DNAH9: variants seen among roughly 807,000 people sequenced by gnomAD.
The protein encoded by DNAH9 is dynein axonemal heavy chain 9, also known as DNAH9 variant protein.
Under a neutral mutation model 471.6 loss-of-function variants are expected in DNAH9, and 345 were observed. The observed-to-expected ratio is 0.73, with a 90% CI of 0.67 to 0.80. The LOEUF (loss-of-function observed/expected upper bound fraction) is 0.80. DNAH9 is among the 30% of genes least tolerant of loss of function. The pLI is 0.00. For synonymous variants in DNAH9, 2,093 were observed against 2,123.6 expected (o/e 0.99, Z 0.40); for missense variants, 5,407 against 5,609.2 (o/e 0.96, Z 1.15).
At position 11,938,352 on chromosome 17, in the gene DNAH9, G is replaced by A. The variant is rs891373900; in HGVS notation, c.12660+830G>A. Among the ~76,000 whole-genome samples the A allele has an allele frequency of 7.9e-5, 12 of 151,686 alleles. 1 individual carries two copies. Among genetic ancestry groups the A allele is most frequent in the South Asian group, 2.1e-4 (1 of 4,800 alleles). On this transcript the variant is annotated intron_variant, in intron 66 of 68. Transcript: ENST00000262442. ...TGGGCGCCTGTAATCCCAGCTACTC[G>A]GGAGACTGAGGCAGGAGAATTGCTT...
In DNAH9 at chr17:11,605,503, G is replaced by C. The variant is rs201546186; in HGVS notation, c.418-2626G>C. On this transcript the variant is annotated intron_variant, in intron 1 of 68. Coordinates refer to ENST00000262442, the MANE Select transcript of DNAH9 (RefSeq NM_001372.4). ...TGTTGTTGTTGTTGTTGTTGTTGTT[G>C]TTGTTGTTGTTTCGAGACAGGGTCT... Among the ~76,000 whole-genome samples, 21 of 151,722 alleles carry C rather than the reference G, an allele frequency of 1.4e-4. No individual in the cohort carries two copies. The East Asian group carries it at 3.9e-3, about 28-fold the overall frequency.
intron 50 of DNAH9, among the ~76,000 whole-genome samples, chr17:11,857,660 G>T (rs1971673924): frequency 6.6e-6 from 1 of 152,190 alleles, no homozygotes; most frequent in Admixed American, 6.5e-5. Context: ...TTGGATATTT[G>T]TTCCTGCCCA....
At chr17:11,778,329 C>CAAAGAAAAAAAAAAAA (rs1567795708) in intron 38 of DNAH9, among the ~76,000 whole-genome samples, 1 of 48,638 alleles carries the variant, frequency 2.1e-5, no homozygotes, top group Non-Finnish European at 4.6e-5. Flanking sequence ...GACTCCATCT[C>CAAAGAAAAAAAAAAAA]AAAAAAAAAA....
rs763602808 is a variant in DNAH9 at position 11,636,722 on chromosome 17, A to G, written c.1724A>G (p.Asn575Ser). ...TACCTGGTCCTCATCCAAATGTTCAACAAAGATCTGGATGCAGTGAGGATG... is the reference window on the plus strand; with the variant it reads ...TACCTGGTCCTCATCCAAATGTTCAGCAAAGATCTGGATGCAGTGAGGATG... Reference protein sequence around the residue: ...DKYLVLIQMFNKDLDAVRMIY... With the variant: ...DKYLVLIQMFSKDLDAVRMIY... Residue 575 changes from asparagine (N) to serine (S), a missense_variant, in exon 9 of 69, where the codon AAC becomes AGC. Physicochemically the swap from Asn to Ser is conservative, Grantham distance 46 (BLOSUM62 1). Around this residue, in one of 3 missense-constraint regions of DNAH9, gnomAD observed 4,636 missense variants for 4,900.3 expected, o/e 0.95. Transcript: ENST00000262442. 6.2e-7 allele frequency: 1 copy of G among 1,613,746 alleles called. No homozygotes were observed. The highest frequency in any genetic ancestry group is 1.7e-5 in the Admixed American group (1 of 60,034).
chr17:11,698,171 T>TTAATATAATTATATTAA (rs375435855), intron 22 of DNAH9, among the ~76,000 whole-genome samples: 2,666 of 8,350 alleles, frequency 0.32, 179 homozygotes, highest in South Asian at 0.42. Context: ...TATTATTATA[T>TTAATATAATTATATTAA]TAATATATTA....
At chr17:11,752,093 G>T (rs1967178141) in intron 32 of DNAH9, among the ~76,000 whole-genome samples, 1 of 152,092 alleles carries the variant, frequency 6.6e-6, no homozygotes, top group East Asian at 1.9e-4. Context: ...AGCCATATGT[G>T]AATAAATGAA....
At chr17:11,762,159 GAA>G (rs1459147614) in intron 35 of DNAH9, among the ~76,000 whole-genome samples, 2 of 152,214 alleles carry the variant, frequency 1.3e-5, no homozygotes, top group Admixed American at 1.3e-4. Context: ...TTTGTTGTAA[GAA>G]TTGCAATTAG....
intron 49 of DNAH9, among the ~76,000 whole-genome samples, chr17:11,847,442 C>G (rs1024007202): frequency 6.6e-6 from 1 of 152,090 alleles, no homozygotes; most frequent in Non-Finnish European, 1.5e-5. Context: ...AGCCAGTTAT[C>G]TCGGCACCAT....
rs745715542 is a variant in DNAH9 at position 11,669,635 on chromosome 17, A to G, written c.3194A>G (p.Tyr1065Cys). ...CAGTTTAAAGTGCAAATCGACTCCT[A>G]TGAAACGCTCTATGAAGAGGTGTGC... The part of the protein sequence containing the change: ...LSQFKVQIDS[Y>C]ETLYEEVCRL... The change falls in exon 17 of 69, where the codon TAT (tyrosine) becomes TGT (cysteine). Residue 1065 changes from tyrosine to cysteine, a missense_variant. Physicochemically the swap from Tyr to Cys is radical, Grantham distance 194. This residue lies in a region of DNAH9 where 4,636 missense variants were observed against 4,900.3 expected (regional missense o/e 0.95). Coordinates refer to ENST00000262442, the MANE Select transcript of DNAH9 (RefSeq NM_001372.4). 9.9e-6 allele frequency: 16 copies of G among 1,614,050 alleles called. No homozygotes were observed. The highest frequency in any genetic ancestry group is 6.7e-5 in the Admixed American group (4 of 60,000).
intron 49 of DNAH9, among the ~76,000 whole-genome samples, chr17:11,836,547 A>G (rs1318731489): frequency 6.6e-6 from 1 of 152,128 alleles, no homozygotes; most frequent in Non-Finnish European, 1.5e-5. Context: ...CGGCTGTACC[A>G]CTGTTTCTGA....
At chr17:11,947,313 C>T (rs1408244505) in intron 67 of DNAH9, among the ~76,000 whole-genome samples, 1 of 152,166 alleles carries the variant, frequency 6.6e-6, no homozygotes, top group African/African-American at 2.4e-5. Flanking sequence ...AACAACTAGG[C>T]ATCATTTTCA....
chr17:11,874,970 G>C lies in DNAH9; in HGVS notation c.10264G>C (p.Ala3422Pro). The change falls in exon 53 of 69, where the codon GCC becomes CCC. Residue 3422 changes from alanine (A) to proline (P), a missense_variant. This residue lies in a region of DNAH9 where 4,636 missense variants were observed against 4,900.3 expected (regional missense o/e 0.95). Transcript: ENST00000262442. ...CCAGACTCCCATTCCAGTCACCCCA[G>C]CCCTGGATCCCCTGAGGATGCTGAT... ...QLKTPIPVTP[A>P]LDPLRMLMDD... 6.2e-7 allele frequency: 1 copy of C among 1,614,016 alleles called. No homozygotes were observed. The highest frequency in any genetic ancestry group is 2.2e-5 in the East Asian group (1 of 44,858).
chr17:11,658,378 C>A (rs956014287), intron 14 of DNAH9, among the ~76,000 whole-genome samples: 2 of 152,118 alleles, frequency 1.3e-5, no homozygotes, highest in African/African-American at 4.8e-5. Flanking sequence ...ATTCCGTGAT[C>A]TTTCTAAATT....
At chr17:11,963,063 C>T (rs1976365063) in intron 68 of DNAH9, among the ~76,000 whole-genome samples, 1 of 152,100 alleles carries the variant, frequency 6.6e-6, no homozygotes, top group Non-Finnish European at 1.5e-5. Flanking sequence ...GAAATAAGGT[C>T]TTTGCAGATG....
chr17:11,764,330 A>G (rs1967842164), intron 36 of DNAH9, among the ~76,000 whole-genome samples: 1 of 152,224 alleles, frequency 6.6e-6, no homozygotes, highest in African/African-American at 2.4e-5. Context: ...ATATTATGCA[A>G]ACCAGTCTCC....
chr17:11,790,193 T>C (rs1438370999), intron 41 of DNAH9, among the ~76,000 whole-genome samples: 2 of 152,032 alleles, frequency 1.3e-5, no homozygotes, highest in Non-Finnish European at 2.9e-5. Flanking sequence ...ACCTTGTAAA[T>C]CATGTTGTTT....
chr17:11,893,664 A>G (rs1314268845), intron 58 of DNAH9, among the ~76,000 whole-genome samples: 2 of 152,072 alleles, frequency 1.3e-5, no homozygotes, highest in Non-Finnish European at 2.9e-5. Flanking sequence ...GAGTTGAACA[A>G]TGAGAACACA....
intron 61 of DNAH9, among the ~76,000 whole-genome samples, chr17:11,906,398 G>A (rs1479127575): frequency 6.6e-6 from 1 of 151,912 alleles, no homozygotes; most frequent in African/African-American, 2.4e-5. Flanking sequence ...AGGCCAAGGT[G>A]GGTGAATCAC....
At chr17:11,917,217 G>C (rs536098969) in intron 61 of DNAH9, among the ~76,000 whole-genome samples, 2 of 151,978 alleles carry the variant, frequency 1.3e-5, no homozygotes, top group African/African-American at 4.8e-5. Context: ...GCAATGGCAC[G>C]ATCTCAGCTC....
Sources: allele counts gnomAD v4.1 joint callset (sites outside exome capture counted in the v4.1 genomes callset), GRCh38; gene constraint gnomAD v4.1.1; regional missense constraint gnomAD v4.1.1; transcripts MANE v1.5; gene names NCBI Gene and HGNC (gene_info 2026-07-23, HGNC 2026-07-21).